Variants in KDM4C observed in about 807,000 individuals in gnomAD.
The protein encoded by KDM4C is lysine-specific demethylase 4C.
Under a neutral mutation model 129.3 loss-of-function variants are expected in KDM4C, and 81 were observed. That is an observed-to-expected ratio of 0.63 (90% CI 0.52 to 0.75). The LOEUF (loss-of-function observed/expected upper bound fraction) is 0.75. Among genes scored for constraint, KDM4C ranks in the 30% least tolerant of loss-of-function variants. KDM4C has a pLI of 0.00. For synonymous variants in KDM4C, 573 were observed against 456.1 expected, an observed-to-expected ratio of 1.26 and a Z score of -3.26; for missense variants, 1,457 against 1,304.0, an observed-to-expected ratio of 1.12 and a Z score of -1.81.
intron 2 of KDM4C, among the ~76,000 whole-genome samples, chr9:6,795,962 G>A (rs1187847337): frequency 6.6e-6 from 1 of 152,130 alleles, no homozygotes; most frequent in Non-Finnish European, 1.5e-5. Context: ...ATCAGCCACT[G>A]CCCCTGGCCC....
chr9:7,040,031 C>T (rs1338287044), intron 15 of KDM4C, among the ~76,000 whole-genome samples: 1 of 152,048 alleles, frequency 6.6e-6, no homozygotes, highest in Non-Finnish European at 1.5e-5. Context: ...GAATTCAATA[C>T]TGGGAAATTT....
At chr9:6,976,677 A>T (rs1427870931) in intron 8 of KDM4C, among the ~76,000 whole-genome samples, 1 of 152,222 alleles carries the variant, frequency 6.6e-6, no homozygotes, top group East Asian at 1.9e-4. Flanking sequence ...TAATTAGCTG[A>T]TAGCCTTCAA....
chr9:6,842,970 C>A (rs1837242148), intron 4 of KDM4C, among the ~76,000 whole-genome samples: 1 of 152,158 alleles, frequency 6.6e-6, no homozygotes, highest in African/African-American at 2.4e-5. Flanking sequence ...CGCTCTGTTG[C>A]CCGGGCTGGA....
At chr9:6,764,764 A>G (rs1008252210) in intron 1 of KDM4C, among the ~76,000 whole-genome samples, 2 of 152,222 alleles carry the variant, frequency 1.3e-5, no homozygotes, top group African/African-American at 2.4e-5. Context: ...ATGATGAGTC[A>G]TCAAAGCCTT....
At chr9:6,813,863 A>G (rs544338273) in intron 3 of KDM4C, among the ~76,000 whole-genome samples, 14 of 152,298 alleles carry the variant, frequency 9.2e-5, no homozygotes, top group African/African-American at 2.9e-4. Flanking sequence ...TTCACTGTGG[A>G]TAGAATTTGA....
intron 17 of KDM4C, among the ~76,000 whole-genome samples, chr9:7,059,772 T>C (rs2132670166): frequency 6.6e-6 from 1 of 152,352 alleles, no homozygotes; most frequent in South Asian, 2.1e-4. Flanking sequence ...ACAACGCCAC[T>C]CTTCAAGCTG....
chr9:6,797,242 C>T (rs1172666310), intron 2 of KDM4C, among the ~76,000 whole-genome samples: 1 of 152,096 alleles, frequency 6.6e-6, no homozygotes, highest in Admixed American at 6.6e-5. Context: ...CCACCTTGGC[C>T]TCCCAAAGTG....
chr9:6,887,915 C>T, intron 6 of KDM4C, 45 bp from the exon 7 acceptor site: 1 of 1,111,590 alleles, frequency 9.0e-7, no homozygotes, highest in Non-Finnish European at 1.4e-6. Context: ...TTGATATTTT[C>T]TCTTAATCGA....
chr9:6,943,320 G>T (rs1203549004), intron 8 of KDM4C, among the ~76,000 whole-genome samples: 1 of 152,092 alleles, frequency 6.6e-6, no homozygotes, highest in East Asian at 1.9e-4. Flanking sequence ...TTTATTTTCT[G>T]TAAAGATTTG....
chr9:7,143,353 A>G (rs1841939664), intron 19 of KDM4C, among the ~76,000 whole-genome samples: 2 of 152,326 alleles, frequency 1.3e-5, no homozygotes, highest in South Asian at 4.1e-4. Context: ...TCATTAAGCA[A>G]ATCAGATGTT....
chr9:6,865,121 G>A (rs1202299706), intron 5 of KDM4C, among the ~76,000 whole-genome samples: 2 of 149,448 alleles, frequency 1.3e-5, no homozygotes, highest in African/African-American at 2.5e-5. Flanking sequence ...CAATTCTCCT[G>A]CTTCAGCCTC....
chr9:6,924,849 G>A, intron 8 of KDM4C: 1 of 983,538 alleles, frequency 1.0e-6, no homozygotes, highest in Non-Finnish European at 1.2e-6. Flanking sequence ...AAGACAGGCT[G>A]TCCACTATAT....
intron 1 of KDM4C, among the ~76,000 whole-genome samples, chr9:6,790,666 A>G (rs1826393744): frequency 6.7e-6 from 1 of 148,830 alleles, no homozygotes; most frequent in Non-Finnish European, 1.5e-5. Context: ...AAAAAAAAAA[A>G]AAAAAAAAAA....
At chr9:6,757,814 CAAG>C (rs1190454322), upstream of KDM4C, 2 of 985,500 alleles carry the variant, frequency 2.0e-6, no homozygotes, top group African/African-American at 3.5e-5. Flanking sequence ...GTCCAAAGGA[CAAG>C]AAGATGCGCG....
intron 19 of KDM4C, among the ~76,000 whole-genome samples, chr9:7,143,827 G>A (rs1841983143): frequency 6.6e-6 from 1 of 152,186 alleles, no homozygotes; most frequent in South Asian, 2.1e-4. Context: ...TTTTGACAGA[G>A]TAGTCTCTGT....
At chr9:7,071,856 C>T (rs1453225123) in intron 17 of KDM4C, among the ~76,000 whole-genome samples, 1 of 152,134 alleles carries the variant, frequency 6.6e-6, no homozygotes, top group African/African-American at 2.4e-5. Flanking sequence ...CACCTGATCT[C>T]ATCTGAAAGA....
At chr9:7,056,450 G>A (rs1157178149) in intron 17 of KDM4C, among the ~76,000 whole-genome samples, 1 of 151,986 alleles carries the variant, frequency 6.6e-6, no homozygotes, top group East Asian at 1.9e-4. Context: ...TTTGTATATT[G>A]CTGTAATACC....
intron 15 of KDM4C, among the ~76,000 whole-genome samples, chr9:7,037,023 G>T (rs1044189973): frequency 2.1e-4 from 32 of 152,114 alleles, no homozygotes; most frequent in African/African-American, 7.7e-4. Flanking sequence ...ACTCATACCA[G>T]CTCTGTCCTT....
chr9:6,787,023 C>G (rs975631486), intron 1 of KDM4C, among the ~76,000 whole-genome samples: 1 of 152,062 alleles, frequency 6.6e-6, no homozygotes, highest in Admixed American at 6.6e-5. Context: ...GGTCTAAAAC[C>G]TAAGCTATCT....
Sources: gnomAD v4.1 joint callset for allele counts (sites outside exome capture counted in the v4.1 genomes callset) on GRCh38, gnomAD v4.1.1 for gene constraint, MANE v1.5 for transcripts, NCBI Gene and HGNC (gene_info 2026-07-23, HGNC 2026-07-21) for gene names.